Variants in PHACTR3 observed in about 807,000 individuals in gnomAD.
The protein encoded by PHACTR3 is phosphatase and actin regulator 3.
PHACTR3 carries 16 observed loss-of-function variants against 66.8 expected under a neutral mutation model. That is an observed-to-expected ratio of 0.24 (90% confidence interval 0.16 to 0.36). The LOEUF (loss-of-function observed/expected upper bound fraction) is 0.36. PHACTR3 is among the 10% of genes least tolerant of loss of function. The pLI, the probability that PHACTR3 is intolerant of heterozygous loss-of-function variation, is 1.00. For synonymous variants in PHACTR3, 323 were observed against 292.1 expected (o/e 1.11, Z -1.08); for missense variants, 647 against 719.9 (o/e 0.90, Z 1.16).
At chr20:59,586,648 A>G (rs1326889222) in intron 1 of PHACTR3, among the ~76,000 whole-genome samples, 3 of 152,132 alleles carry the variant, frequency 2.0e-5, no homozygotes, top group African/African-American at 7.2e-5. Flanking sequence ...AGTGCAGAAT[A>G]TTGTACACTG....
chr20:59,666,229 T>C (rs1416264052), intron 1 of PHACTR3, among the ~76,000 whole-genome samples: 3 of 152,180 alleles, frequency 2.0e-5, no homozygotes, highest in Non-Finnish European at 2.9e-5. Flanking sequence ...CAGGCAGACC[T>C]AGGCATTGTG....
chr20:59,643,191 G>A (rs1251541209), intron 1 of PHACTR3, among the ~76,000 whole-genome samples: 1 of 152,200 alleles, frequency 6.6e-6, no homozygotes, highest in Non-Finnish European at 1.5e-5. Flanking sequence ...GATTACAGGC[G>A]TGAGCCACTG....
At chr20:59,801,649 G>T (rs1311651961) in intron 7 of PHACTR3, among the ~76,000 whole-genome samples, 4 of 152,184 alleles carry the variant, frequency 2.6e-5, no homozygotes, top group Admixed American at 2.6e-4. Context: ...TCTTGCACCA[G>T]ATCACTCCGC....
intron 7 of PHACTR3, among the ~76,000 whole-genome samples, chr20:59,777,930 G>T (rs915997648): frequency 1.3e-5 from 2 of 152,116 alleles, no homozygotes; most frequent in African/African-American, 2.4e-5. Context: ...GGACTGGTGT[G>T]CATTGCATAG....
At chr20:59,826,371 T>C (rs778865930) in intron 8 of PHACTR3, among the ~76,000 whole-genome samples, 3 of 152,296 alleles carry the variant, frequency 2.0e-5, no homozygotes, top group South Asian at 2.1e-4. Context: ...AGCATCTTGG[T>C]TCTTCCCAGC....
At chr20:59,579,040 A>G (rs1291524106) in intron 1 of PHACTR3, among the ~76,000 whole-genome samples, 1 of 152,204 alleles carries the variant, frequency 6.6e-6, no homozygotes, top group Non-Finnish European at 1.5e-5. Flanking sequence ...GTAAGTGCCC[A>G]CAAGTGTCAG....
intron 1 of PHACTR3, among the ~76,000 whole-genome samples, chr20:59,709,586 T>C (rs1342755953): frequency 6.6e-6 from 1 of 152,218 alleles, no homozygotes; most frequent in South Asian, 2.1e-4. Flanking sequence ...GGTTATATTA[T>C]TGAATAAAGA....
At chr20:59,755,769 G>A (rs767034151) in intron 4 of PHACTR3, among the ~76,000 whole-genome samples, 3 of 152,180 alleles carry the variant, frequency 2.0e-5, no homozygotes, top group East Asian at 3.9e-4. Flanking sequence ...TTCTGTGGCC[G>A]AAATCCTGCC....
At position 59,845,144 on chromosome 20, in the gene PHACTR3, T is replaced by C. The variant is rs2059127073; in HGVS notation, c.1588-45T>C. On this transcript the variant is annotated intron_variant, in intron 11 of 12. Coordinates refer to ENST00000371015, the MANE Select transcript of PHACTR3 (RefSeq NM_080672.5). Reference sequence around the variant, plus strand: ...TATAAACACGATGCTAATTTCCTGATTTTTTTAATATCCTGTAAAACAATG... The same window carrying C: ...TATAAACACGATGCTAATTTCCTGACTTTTTTAATATCCTGTAAAACAATG... The C allele has an allele frequency of 4.0e-6, 5 of 1,247,024 alleles. No individual in the cohort carries two copies. In the East Asian group the frequency reaches 1.2e-4, roughly 30 times the overall value. The allele number at this position is 1,247,024 out of a possible 1,614,324, so 77.2% of individuals were successfully genotyped here.
At chr20:59,765,142 C>G (rs1227090342) in intron 4 of PHACTR3, among the ~76,000 whole-genome samples, 1 of 152,200 alleles carries the variant, frequency 6.6e-6, no homozygotes, top group Non-Finnish European at 1.5e-5. Flanking sequence ...AAAATATTTA[C>G]TTTGATGTTG....
At chr20:59,623,693 G>A (rs1016659619) in intron 1 of PHACTR3, among the ~76,000 whole-genome samples, 5 of 152,210 alleles carry the variant, frequency 3.3e-5, no homozygotes, top group African/African-American at 1.2e-4. Context: ...GGGTGGGGAT[G>A]GTGACCACTG....
In PHACTR3 at chr20:59,810,915, G is replaced by A. The variant is rs140616289; in HGVS notation, c.1328+4721G>A. On this transcript the variant is annotated intron_variant, in intron 8 of 12. Coordinates refer to ENST00000371015, the MANE Select transcript of PHACTR3 (RefSeq NM_080672.5). ...ACTGGAAATTATGCACAGAGGCACGGGCTGTTTTGCCTCCATCCTGTCTAC... is the reference window on the plus strand; with the variant it reads ...ACTGGAAATTATGCACAGAGGCACGAGCTGTTTTGCCTCCATCCTGTCTAC... Among the ~76,000 whole-genome samples the A allele has an allele frequency of 9.8e-3, 1,490 of 152,350 alleles. 7 individuals carry two copies. The highest frequency in any genetic ancestry group is 0.013 in the Non-Finnish European group (916 of 68,034).
At chr20:59,644,637 G>A (rs2035220702) in intron 1 of PHACTR3, among the ~76,000 whole-genome samples, 1 of 152,294 alleles carries the variant, frequency 6.6e-6, no homozygotes, top group African/African-American at 2.4e-5. Context: ...GTCCTGTGCT[G>A]CCTGTGGCCA....
In PHACTR3 at chr20:59,605,142, T is replaced by TGGGCGG. The variant is rs1347464111; in HGVS notation, c.118+17_118+22dup. Reference sequence around the variant, plus strand: ...GCCGGGGAGAACCCAGGTAACGGGCTGGGCGGGGGCGGCGGGCGGGTCGGG... The same window carrying TGGGCGG: ...GCCGGGGAGAACCCAGGTAACGGGCTGGGCGGGGGCGGGGGCGGCGGGCGGGTCGGG... On this transcript the variant is annotated intron_variant, in intron 1 of 12. Coordinates refer to ENST00000371015, the MANE Select transcript of PHACTR3 (RefSeq NM_080672.5). The TGGGCGG allele has an allele frequency of 6.8e-5, 20 of 294,932 alleles. No individual in the cohort carries two copies. Among genetic ancestry groups the TGGGCGG allele is most frequent in the East Asian group, 5.3e-4 (4 of 7,566 alleles). The allele number at this position is 294,932 out of a possible 1,614,324, so 18.3% of individuals were successfully genotyped here. A position where few individuals can be genotyped will look rare whatever the true frequency, so the allele number is the denominator to read the frequency against.
In PHACTR3 at chr20:59,769,731, A is replaced by T. The variant is rs141922289; in HGVS notation, c.751+2336A>T. On this transcript the variant is annotated intron_variant, in intron 5 of 12. Coordinates refer to ENST00000371015, the MANE Select transcript of PHACTR3 (RefSeq NM_080672.5). ...TACAGCAGGCACTCAGCAAGTGCAG[A>T]TGATGGTTGGATGGATGAATGAATG... 1.8e-3 allele frequency among the ~76,000 whole-genome samples: 273 copies of T among 152,338 alleles called. 1 individual carries two copies. The highest frequency in any genetic ancestry group is 6.3e-3 in the African/African-American group (263 of 41,576).
chr20:59,706,280 A>G (rs923310926), intron 1 of PHACTR3, among the ~76,000 whole-genome samples: 17 of 152,358 alleles, frequency 1.1e-4, no homozygotes, highest in African/African-American at 3.4e-4. Flanking sequence ...TAATGAGAAG[A>G]GTCTGATAAG....
chr20:59,754,293 C>T (rs1456484137), intron 3 of PHACTR3, among the ~76,000 whole-genome samples: 7 of 152,220 alleles, frequency 4.6e-5, no homozygotes, highest in Non-Finnish European at 7.3e-5. Flanking sequence ...CTTCAAGAGA[C>T]GGAAAGCACC....
intron 8 of PHACTR3, among the ~76,000 whole-genome samples, chr20:59,810,370 T>TAGTAG (rs1162234069): frequency 6.6e-6 from 1 of 152,222 alleles, no homozygotes; most frequent in East Asian, 1.9e-4. Context: ...CTGCTATTTG[T>TAGTAG]CACCATGTTT....
At chr20:59,590,035 C>T (rs1252123880) in intron 1 of PHACTR3, among the ~76,000 whole-genome samples, 1 of 152,218 alleles carries the variant, frequency 6.6e-6, no homozygotes, top group Admixed American at 6.5e-5. Flanking sequence ...CCAGAACATC[C>T]GCCCTGTGCT....
Sources: gnomAD v4.1 joint callset for allele counts (sites outside exome capture counted in the v4.1 genomes callset) on GRCh38, gnomAD v4.1.1 for gene constraint, MANE v1.5 for transcripts, NCBI Gene and HGNC (gene_info 2026-07-23, HGNC 2026-07-21) for gene names.